RERE: variants seen among roughly 807,000 people sequenced by gnomAD.
The protein encoded by RERE is arginine-glutamic acid dipeptide repeats protein.
Under a neutral mutation model 146.1 loss-of-function variants are expected in RERE, and 40 were observed. The observed-to-expected ratio is 0.27, with a 90% CI of 0.21 to 0.36. The LOEUF is 0.36. Ranked by LOEUF, RERE falls within the 10% of genes least tolerant of loss-of-function variation. The pLI is 1.00. For missense variants in RERE, 1,933 were observed against 2,138.7 expected, an observed-to-expected ratio of 0.90 and a Z score of 1.90; for synonymous variants, 1,003 against 866.0, an observed-to-expected ratio of 1.16 and a Z score of -2.78.
intron 6 of RERE, among the ~76,000 whole-genome samples, chr1:8,555,457 C>G (rs114299846): frequency 1.3e-5 from 2 of 152,162 alleles, no homozygotes; most frequent in Non-Finnish European, 2.9e-5. Context: ...AAATAACTGA[C>G]TTTAGCTATG....
chr1:8,580,326 A>G (rs765942634), intron 4 of RERE, among the ~76,000 whole-genome samples: 2 of 152,226 alleles, frequency 1.3e-5, no homozygotes, highest in African/African-American at 2.4e-5. Flanking sequence ...GTTTAATTGC[A>G]TTTACCACAT....
intron 9 of RERE, among the ~76,000 whole-genome samples, chr1:8,495,532 G>A (rs751032164): frequency 6.6e-6 from 1 of 152,270 alleles, no homozygotes; most frequent in African/African-American, 2.4e-5. Context: ...GGCTGGTCTC[G>A]AACTCCTGAC....
chr1:8,557,211 A>G, intron 5 of RERE, among the ~76,000 whole-genome samples: 1 of 152,148 alleles, frequency 6.6e-6, no homozygotes, highest in Admixed American at 6.5e-5. Context: ...AGCATCTCTC[A>G]ACCTCAGTTT....
chr1:8,773,766 G>A (rs1044892460), intron 1 of RERE, among the ~76,000 whole-genome samples: 3 of 152,174 alleles, frequency 2.0e-5, no homozygotes, highest in Admixed American at 1.3e-4. Flanking sequence ...AGAGACTGCA[G>A]GGAGCTGAGA....
chr1:8,674,955 A>C (rs1245910741), intron 1 of RERE, among the ~76,000 whole-genome samples: 1 of 152,218 alleles, frequency 6.6e-6, no homozygotes, highest in Non-Finnish European at 1.5e-5. Context: ...GGGAGGCTGA[A>C]ATGTAAATGG....
At chr1:8,507,726 A>ACAT (rs1478841837) in intron 8 of RERE, among the ~76,000 whole-genome samples, 3 of 100,852 alleles carry the variant, frequency 3.0e-5, no homozygotes, top group South Asian at 3.3e-4. Context: ...GAGGTTTTAA[A>ACAT]CATCTTTTAT....
chr1:8,651,324 C>T (rs193132346), intron 2 of RERE, among the ~76,000 whole-genome samples: 6 of 152,148 alleles, frequency 3.9e-5, no homozygotes, highest in Non-Finnish European at 8.8e-5. Context: ...GCAGGAGAAG[C>T]AATTGAGCCC....
intron 1 of RERE, among the ~76,000 whole-genome samples, chr1:8,782,332 T>C (rs927561453): frequency 6.6e-6 from 1 of 152,144 alleles, no homozygotes; most frequent in Non-Finnish European, 1.5e-5. Context: ...GTTTTCCTCC[T>C]TTTTTGCTGA....
intron 1 of RERE, among the ~76,000 whole-genome samples, chr1:8,666,710 A>G (rs1236457904): frequency 6.6e-6 from 1 of 152,264 alleles, no homozygotes; most frequent in South Asian, 2.1e-4. Context: ...AAGCTGCAAG[A>G]TATCACTGAA....
chr1:8,695,338 C>A (rs1639304143), intron 1 of RERE, among the ~76,000 whole-genome samples: 1 of 151,998 alleles, frequency 6.6e-6, no homozygotes, highest in Admixed American at 6.6e-5. Context: ...AAACACCATT[C>A]CGACCCTTGG....
intron 4 of RERE, among the ~76,000 whole-genome samples, chr1:8,610,193 T>G (rs1433297304): frequency 1.3e-5 from 2 of 152,230 alleles, no homozygotes; most frequent in Non-Finnish European, 2.9e-5. Context: ...AAAGATCCTC[T>G]TTCCAGAAAA....
chr1:8,383,366 G>A (rs1001446857), intron 12 of RERE, among the ~76,000 whole-genome samples: 2 of 151,442 alleles, frequency 1.3e-5, no homozygotes, highest in East Asian at 1.9e-4. Flanking sequence ...GAATAAAAAC[G>A]AAACCAAGAG....
intron 12 of RERE, among the ~76,000 whole-genome samples, chr1:8,392,113 G>A (rs759578176): frequency 2.6e-4 from 39 of 152,174 alleles, no homozygotes; most frequent in Non-Finnish European, 4.7e-4. Context: ...ACAATGTTCA[G>A]CATTCTACAG....
chr1:8,374,445 A>G (rs1258850979), intron 12 of RERE, among the ~76,000 whole-genome samples: 1 of 152,226 alleles, frequency 6.6e-6, no homozygotes, highest in African/African-American at 2.4e-5. Context: ...ATTTCTGCCA[A>G]CACTGAACAC....
intron 12 of RERE, among the ~76,000 whole-genome samples, chr1:8,370,320 C>T (rs760937341): frequency 2.6e-5 from 4 of 151,840 alleles, no homozygotes; most frequent in Non-Finnish European, 4.4e-5. Flanking sequence ...TAGCGGTTGC[C>T]GAGAGCCTGG....
intron 1 of RERE, among the ~76,000 whole-genome samples, chr1:8,694,476 G>A (rs1639277233): frequency 6.6e-6 from 1 of 152,116 alleles, no homozygotes; most frequent in Non-Finnish European, 1.5e-5. Context: ...GAAATGACAG[G>A]TGGGCTGGGC....
intron 1 of RERE, among the ~76,000 whole-genome samples, chr1:8,791,410 A>T (rs1023038402): frequency 6.6e-6 from 1 of 152,166 alleles, no homozygotes; most frequent in Non-Finnish European, 1.5e-5. Context: ...GTAGGGACAC[A>T]TCTTACTCAT....
At chr1:8,563,281 A>G (rs534261668) in intron 4 of RERE, among the ~76,000 whole-genome samples, 91 of 152,330 alleles carry the variant, frequency 6.0e-4, no homozygotes, top group African/African-American at 2.1e-3. Context: ...TCCACAACAT[A>G]AAAATAGTAA....
chr1:8,614,538 T>C, intron 4 of RERE, 23 bp downstream of exon 4: 3 of 1,600,828 alleles, frequency 1.9e-6, no homozygotes, highest in Non-Finnish European at 2.6e-6. Context: ...ACTGATAGCT[T>C]TTAAAAACGG....
Sources: gnomAD v4.1 joint callset for allele counts (sites outside exome capture counted in the v4.1 genomes callset) on GRCh38, gnomAD v4.1.1 for gene constraint, MANE v1.5 for transcripts, NCBI Gene and HGNC (gene_info 2026-07-23, HGNC 2026-07-21) for gene names.